The following METTL15 variants were observed in gnomAD, a reference collection of about 807,000 sequenced individuals.
METTL15 encodes 12S rRNA N(4)-cytidine methyltransferase METTL15.
In METTL15, 34 loss-of-function variants were observed where a neutral mutation model predicts 38.3. That is an observed-to-expected ratio of 0.89 (90% CI 0.68 to 1.18). The LOEUF is 1.18. Among genes scored for constraint, METTL15 ranks in the 50% most tolerant of loss-of-function variants. METTL15 has a pLI of 0.00. For synonymous variants in METTL15, 162 were observed against 170.9 expected (o/e 0.95, Z 0.41); for missense variants, 438 against 498.4 (o/e 0.88, Z 1.15).
chr11:28,499,501 C>T (rs918801760), intron 6 of METTL15, among the ~76,000 whole-genome samples: 3 of 152,148 alleles, frequency 2.0e-5, no homozygotes, highest in Non-Finnish European at 2.9e-5. Context: ...CTAGATGATA[C>T]TGGTCATTTC....
chr11:28,165,641 G>C (rs1367792738), intron 3 of METTL15, among the ~76,000 whole-genome samples: 1 of 151,736 alleles, frequency 6.6e-6, no homozygotes, highest in Non-Finnish European at 1.5e-5. Flanking sequence ...CCTTTGCTGT[G>C]TAAAAACATT....
intron 6 of METTL15, among the ~76,000 whole-genome samples, chr11:28,511,655 T>C (rs1356352438): frequency 6.6e-6 from 1 of 152,148 alleles, no homozygotes; most frequent in Non-Finnish European, 1.5e-5. Context: ...CTGGAGTTGT[T>C]CGTTCCTCCT....
intron 4 of METTL15, among the ~76,000 whole-genome samples, chr11:28,214,121 C>T (rs914807222): frequency 6.6e-6 from 1 of 152,106 alleles, no homozygotes; most frequent in African/African-American, 2.4e-5. Flanking sequence ...TAGCTTACTG[C>T]AGCCTCTGCT....
chr11:28,188,005 A>G (rs1851562464), intron 3 of METTL15, among the ~76,000 whole-genome samples: 2 of 151,438 alleles, frequency 1.3e-5, no homozygotes, highest in Admixed American at 6.6e-5. Flanking sequence ...ATGTTTCACC[A>G]CTAGCCATGT....
chr11:28,488,434 A>C (rs1851455081), intron 6 of METTL15, among the ~76,000 whole-genome samples: 1 of 152,154 alleles, frequency 6.6e-6, no homozygotes. Flanking sequence ...GTTTCCTGTC[A>C]CTTCCACTTT....
intron 6 of METTL15, among the ~76,000 whole-genome samples, chr11:28,297,372 G>A (rs1055487404): frequency 6.6e-6 from 1 of 151,952 alleles, no homozygotes; most frequent in Non-Finnish European, 1.5e-5. Flanking sequence ...AATATTTTGG[G>A]CAAAAGGAGA....
At chr11:28,367,036 A>G (rs1204579480) in intron 5 of METTL15, among the ~76,000 whole-genome samples, 7 of 152,208 alleles carry the variant, frequency 4.6e-5, no homozygotes, top group African/African-American at 1.4e-4. Context: ...GTAATCAGGA[A>G]AAAATAAATG....
chr11:28,507,202 G>A (rs1851635429), intron 6 of METTL15, among the ~76,000 whole-genome samples: 2 of 152,162 alleles, frequency 1.3e-5, no homozygotes, highest in Non-Finnish European at 2.9e-5. Flanking sequence ...TTGATTCAAA[G>A]TCCTGCAGGC....
intron 6 of METTL15, among the ~76,000 whole-genome samples, chr11:28,458,170 G>A (rs781630698): frequency 6.6e-6 from 1 of 152,074 alleles, no homozygotes; most frequent in Non-Finnish European, 1.5e-5. Context: ...GGCTTTGTTG[G>A]TATATACTGT....
At chr11:28,515,670 C>T (rs548346745) in intron 6 of METTL15, among the ~76,000 whole-genome samples, 1 of 152,150 alleles carries the variant, frequency 6.6e-6, no homozygotes, top group Non-Finnish European at 1.5e-5. Context: ...GGCAATAAGG[C>T]ATAAAGTATT....
rs1158145892 is a variant in METTL15, at chr11:28,331,667, T to C, written c.*826T>C. ...TGTCTATTTAATATAGTAAAATCAA[T>C]GCTCCCTTAATGTTGTTACAAAGAT... On this transcript the variant is annotated 3_prime_UTR_variant, in exon 7 of 7. Coordinates refer to ENST00000407364, the MANE Select transcript of METTL15 (RefSeq NM_001113528.2). 2 of 152,018 alleles carry C rather than the reference T, an allele frequency of 1.3e-5. No homozygotes were observed. The highest frequency in any genetic ancestry group is 2.4e-5 in the African/African-American group (1 of 41,456). The allele number at this position is 152,018 out of a possible 1,614,324, so 9.4% of individuals were successfully genotyped here. A position where few individuals can be genotyped will look rare whatever the true frequency, so the allele number is the denominator to read the frequency against.
chr11:28,161,727 A>G lies in METTL15; in HGVS notation c.270+48123A>G, dbSNP rs192884857. ...TATGACTTGTATTTTGAAACTTTAC[A>G]TCTTGAAAAAAAGGAACATAGGATG... On this transcript the variant is annotated intron_variant, in intron 3 of 6. Transcript: ENST00000407364. Among the ~76,000 whole-genome samples, 16 of 149,516 alleles carry G rather than the reference A, an allele frequency of 1.1e-4. No individual in the cohort carries two copies. In the East Asian group the frequency reaches 3.6e-3, roughly 34 times the overall value.
At chr11:28,438,567 C>A (rs187916208) in intron 6 of METTL15, among the ~76,000 whole-genome samples, 4 of 152,158 alleles carry the variant, frequency 2.6e-5, no homozygotes, top group African/African-American at 9.7e-5. Flanking sequence ...GTTTAGTTGG[C>A]CTGGGGCCAA....
At chr11:28,250,165 A>T (rs1055330487) in intron 4 of METTL15, among the ~76,000 whole-genome samples, 1 of 152,100 alleles carries the variant, frequency 6.6e-6, no homozygotes. Flanking sequence ...TGCTATTGTG[A>T]ATAGTGCTGT....
intron 5 of METTL15, among the ~76,000 whole-genome samples, chr11:28,364,940 G>A (rs954198451): frequency 3.3e-5 from 5 of 152,168 alleles, no homozygotes; most frequent in African/African-American, 7.2e-5. Context: ...ATGATCTTAC[G>A]GTTTTTGTTT....
chr11:28,373,585 G>A (rs925658121), intron 5 of METTL15, among the ~76,000 whole-genome samples: 1 of 151,914 alleles, frequency 6.6e-6, no homozygotes, highest in Admixed American at 6.6e-5. Context: ...CACTCTGATG[G>A]TAGTTTCTTT....
intron 3 of METTL15, among the ~76,000 whole-genome samples, chr11:28,338,983 G>T (rs187512284): frequency 6.6e-6 from 1 of 152,244 alleles, no homozygotes; most frequent in East Asian, 1.9e-4. Context: ...GTGAGTTTCA[G>T]AAAAGGCAGC....
rs567028308 is a variant in METTL15 at position 28,443,218 on chromosome 11, A to G, written c.*424+18854A>G. ...ATCAATCACTGCTTAACCTAGCAGCATCTTTTGACATCACTGATCATTCCC... is the reference window on the plus strand; with the variant it reads ...ATCAATCACTGCTTAACCTAGCAGCGTCTTTTGACATCACTGATCATTCCC... On this transcript the variant is annotated intron_variant and NMD_transcript_variant, in intron 6 of 7. Coordinates refer to the METTL15 transcript ENST00000532947. Among the ~76,000 whole-genome samples, 3 of 151,872 alleles carry G rather than the reference A, an allele frequency of 2.0e-5. No individual in the cohort carries two copies. In the East Asian group the frequency reaches 5.8e-4, roughly 29 times the overall value.
chr11:28,491,057 G>A (rs900199760), intron 6 of METTL15, among the ~76,000 whole-genome samples: 2 of 152,076 alleles, frequency 1.3e-5, no homozygotes, highest in Admixed American at 6.6e-5. Flanking sequence ...TCCCTAAAAG[G>A]GAAATTGAAG....
Sources: allele counts gnomAD v4.1 joint callset (sites outside exome capture counted in the v4.1 genomes callset), GRCh38; gene constraint gnomAD v4.1.1; transcripts MANE v1.5; gene names NCBI Gene and HGNC (gene_info 2026-07-23, HGNC 2026-07-21).